Variants in CFAP20DC observed in about 807,000 individuals in gnomAD.
CFAP20DC encodes protein CFAP20DC.
A neutral mutation model predicts 101.7 loss-of-function variants in CFAP20DC; 84 were observed. The observed-to-expected ratio is 0.83, with a 90% CI of 0.69 to 0.99. The LOEUF (loss-of-function observed/expected upper bound fraction) is 0.99, where lower values mean the gene tolerates loss of function less well. CFAP20DC is among the 50% of genes least tolerant of loss of function. The pLI, the probability that CFAP20DC is intolerant of heterozygous loss-of-function variation, is 0.00. For synonymous variants in CFAP20DC, 359 were observed against 351.2 expected (o/e 1.02, Z -0.25); for missense variants, 1,007 against 970.3 (o/e 1.04, Z -0.50).
intron 6 of CFAP20DC, 48 bp from the exon 7 acceptor site, chr3:58,884,757 C>T (rs1395235019): frequency 7.1e-7 from 1 of 1,404,616 alleles, no homozygotes; most frequent in Admixed American, 1.9e-5. Flanking sequence ...GCCATTTCTG[C>T]CAAATGGACC....
chr3:59,038,718 T>C (rs1455588652), intron 4 of CFAP20DC, among the ~76,000 whole-genome samples: 1 of 152,146 alleles, frequency 6.6e-6, no homozygotes, highest in Non-Finnish European at 1.5e-5. Context: ...ACAAACCCCA[T>C]ATAAGATGGT....
At chr3:58,903,789 T>C (rs555694875) in intron 6 of CFAP20DC, among the ~76,000 whole-genome samples, 1 of 152,210 alleles carries the variant, frequency 6.6e-6, no homozygotes, top group Non-Finnish European at 1.5e-5. Flanking sequence ...CAACTCAAGA[T>C]GAGATTTGGG....
At position 58,964,194 on chromosome 3, in the gene CFAP20DC, C is replaced by T. The variant is rs541033036; in HGVS notation, c.279-26432G>A. Among the ~76,000 whole-genome samples, 5 of 152,268 alleles carry T rather than the reference C, an allele frequency of 3.3e-5. No homozygotes were observed. The highest frequency in any genetic ancestry group is 1.3e-4 in the Admixed American group (2 of 15,300). ...CAGATGTCATAACTATAGCTTCAAT[C>T]GGACAAGAGACTGATTTCAATAACC... is the stretch of plus-strand genomic sequence containing the variant. On this transcript the variant is annotated intron_variant, in intron 4 of 16. Coordinates refer to ENST00000482387, the MANE Select transcript of CFAP20DC (RefSeq NM_001394063.1). The surrounding 1 kb of genome is among the most constrained non-coding windows in gnomAD (Gnocchi z 4.1).
chr3:58,767,784 T>C (rs985252293), intron 15 of CFAP20DC, among the ~76,000 whole-genome samples: 6 of 152,200 alleles, frequency 3.9e-5, no homozygotes, highest in Admixed American at 1.3e-4. Flanking sequence ...ATTCTTAATA[T>C]TGAAGAATAA....
chr3:58,773,336 T>C (rs2071026214), intron 15 of CFAP20DC, among the ~76,000 whole-genome samples: 1 of 150,052 alleles, frequency 6.7e-6, no homozygotes, highest in South Asian at 2.1e-4. Flanking sequence ...GGATCACTTA[T>C]GCCCCGGAGT....
intron 4 of CFAP20DC, among the ~76,000 whole-genome samples, chr3:59,035,926 A>T (rs981518584): frequency 2.0e-5 from 3 of 152,240 alleles, no homozygotes; most frequent in African/African-American, 7.2e-5. Context: ...ATCCCTGATG[A>T]ACATGGATGC....
At chr3:59,041,025 C>G (rs371004670) in intron 3 of CFAP20DC, among the ~76,000 whole-genome samples, 7 of 152,040 alleles carry the variant, frequency 4.6e-5, no homozygotes, top group African/African-American at 1.7e-4. Context: ...CTCTGGTCTA[C>G]AAAAGCAAAG....
At chr3:58,919,255 G>GT (rs879570100) in intron 5 of CFAP20DC, among the ~76,000 whole-genome samples, 78 of 149,330 alleles carry the variant, frequency 5.2e-4, no homozygotes, top group Admixed American at 1.3e-3. Flanking sequence ...TATATTGGTA[G>GT]TTTTTTTTTT....
At chr3:58,761,234 A>G (rs1378078461) in intron 15 of CFAP20DC, among the ~76,000 whole-genome samples, 1 of 152,060 alleles carries the variant, frequency 6.6e-6, no homozygotes, top group African/African-American at 2.4e-5. Flanking sequence ...GTCTATTCAG[A>G]GATTCAACTT....
At chr3:58,809,336 A>T (rs1201057312) in intron 14 of CFAP20DC, among the ~76,000 whole-genome samples, 3 of 152,182 alleles carry the variant, frequency 2.0e-5, no homozygotes, top group Admixed American at 6.5e-5. Context: ...AAAGAACAGA[A>T]ATTATAATAA....
chr3:58,836,333 C>T (rs1205680064), intron 13 of CFAP20DC, among the ~76,000 whole-genome samples: 2 of 152,118 alleles, frequency 1.3e-5, no homozygotes, highest in Admixed American at 6.6e-5. Context: ...AAACATAAAA[C>T]ACAACAAACA....
rs1032383587 is a variant in CFAP20DC at position 58,892,635 on chromosome 3, G to A, written c.551-7926C>T. ...TCATTCATGATTTGGCTCTCTGCTT[G>A]CCTGTTGTTGGTGTATAGGAATGCT... On this transcript the variant is annotated intron_variant, in intron 6 of 16. Coordinates refer to ENST00000482387, the MANE Select transcript of CFAP20DC (RefSeq NM_001394063.1). This position sits in a 1 kb window ranked among gnomAD's most constrained non-coding sequence, Gnocchi z 4.0. 3.3e-5 allele frequency among the ~76,000 whole-genome samples: 5 copies of A among 152,080 alleles called. No homozygotes were observed. Among genetic ancestry groups the A allele is most frequent in the Admixed American group, 3.3e-4 (5 of 15,268 alleles).
intron 4 of CFAP20DC, among the ~76,000 whole-genome samples, chr3:59,023,253 C>T (rs1288191130): frequency 6.6e-6 from 1 of 151,618 alleles, no homozygotes; most frequent in Non-Finnish European, 1.5e-5. Context: ...ATAACAAGCA[C>T]TACTGAAGAC....
chr3:58,742,307 C>T lies in CFAP20DC; in HGVS notation c.*153G>A, dbSNP rs113967386. The T allele has an allele frequency of 1.3e-5, 16 of 1,244,696 alleles. No individual in the cohort carries two copies. The highest frequency in any genetic ancestry group is 6.2e-5 in the South Asian group (2 of 32,396). The allele number at this position is 1,244,696 out of a possible 1,614,324, so 77.1% of individuals were successfully genotyped here. A position where few individuals can be genotyped will look rare whatever the true frequency, so the allele number is the denominator to read the frequency against. ...ACAAAAGGAATATAGGTATTCTTAA[C>T]GTTGAACATTATTTACAAAATGAAT... On this transcript the variant is annotated 3_prime_UTR_variant, in exon 17 of 17. Coordinates refer to ENST00000482387, the MANE Select transcript of CFAP20DC (RefSeq NM_001394063.1).
chr3:58,759,247 G>A lies in CFAP20DC; in HGVS notation c.2238-5384C>T, dbSNP rs369010515. ...TTGCCATTCTAACTGGTGTGAGATG[G>A]TATCTCATTGTGGTTTTGATTTGCA... On this transcript the variant is annotated intron_variant, in intron 15 of 16. Transcript: ENST00000482387. Among the ~76,000 whole-genome samples, 5 of 152,164 alleles carry A rather than the reference G, an allele frequency of 3.3e-5. No homozygotes were observed. The East Asian group carries it at 9.6e-4, about 29-fold the overall frequency.
intron 4 of CFAP20DC, among the ~76,000 whole-genome samples, chr3:58,962,244 T>C (rs1285980485): frequency 6.6e-6 from 1 of 152,216 alleles, no homozygotes; most frequent in Non-Finnish European, 1.5e-5. Flanking sequence ...ATCTTTAAAG[T>C]ATTTTCCTTA....
At position 58,724,490 on chromosome 3, in the gene CFAP20DC, G is replaced by T. The variant is rs1045474213; in HGVS notation, c.198-6862C>A. On this transcript the variant is annotated intron_variant, in intron 3 of 3. Coordinates refer to the CFAP20DC transcript ENST00000486145. This position sits in a 1 kb window ranked among gnomAD's most constrained non-coding sequence, Gnocchi z 5.6. Reference sequence around the variant, plus strand: ...TTGAAGCACTGGAATGTGGACAGACGTGTGGGCTCCTATTTAAGCCCGCTC... The same window carrying T: ...TTGAAGCACTGGAATGTGGACAGACTTGTGGGCTCCTATTTAAGCCCGCTC... 6.6e-6 allele frequency among the ~76,000 whole-genome samples: 1 copy of T among 152,220 alleles called. No homozygotes were observed. The highest frequency in any genetic ancestry group is 1.5e-5 in the Non-Finnish European group (1 of 68,010).
chr3:58,737,964 T>C (rs533312108), downstream of CFAP20DC, among the ~76,000 whole-genome samples: 1 of 152,212 alleles, frequency 6.6e-6, no homozygotes, highest in African/African-American at 2.4e-5. The surrounding 1 kb of genome is among the most constrained non-coding windows in gnomAD (Gnocchi z 4.1). Context: ...CTTTTCTCAA[T>C]TGTAAAATCA....
chr3:58,772,797 A>T (rs1365027875), intron 15 of CFAP20DC, among the ~76,000 whole-genome samples: 2 of 152,206 alleles, frequency 1.3e-5, no homozygotes, highest in Non-Finnish European at 1.5e-5. Flanking sequence ...CAAAAAATTT[A>T]AAAAAGTTGT....
Sources: allele counts gnomAD v4.1 joint callset (sites outside exome capture counted in the v4.1 genomes callset), GRCh38; gene constraint gnomAD v4.1.1; non-coding constraint Gnocchi (gnomAD v3.1); transcripts MANE v1.5; gene names NCBI Gene and HGNC (gene_info 2026-07-23, HGNC 2026-07-21).